The following PRPF31 variants were observed in gnomAD, a reference collection of about 807,000 sequenced individuals.
PRPF31 encodes the protein U4/U6 small nuclear ribonucleoprotein Prp31.
PRPF31 carries 12 observed loss-of-function variants against 60.4 expected under a neutral mutation model. The ratio of observed to expected loss-of-function variants is 0.20; its 90% CI spans 0.13 to 0.32. PRPF31 has a LOEUF of 0.32. Among genes scored for constraint, PRPF31 ranks in the 10% least tolerant of loss-of-function variants. The pLI, the probability that PRPF31 is intolerant of heterozygous loss-of-function variation, is 1.00. For synonymous variants in PRPF31, 287 were observed against 287.9 expected, an observed-to-expected ratio of 1.00 and a Z score of 0.03; for missense variants, 431 against 687.1, an observed-to-expected ratio of 0.63 and a Z score of 4.17.
chr19:54,123,925 C>G lies in PRPF31; in HGVS notation c.697+7C>G. 2 of 1,613,316 alleles carry G rather than the reference C, an allele frequency of 1.2e-6. No individual in the cohort carries two copies. The highest frequency in any genetic ancestry group is 1.7e-6 in the Non-Finnish European group (2 of 1,180,002). On this transcript the variant is annotated splice_region_variant and intron_variant, in intron 7 of 13. Transcript: ENST00000321030. ...ACGGCCGCCAAGATCATGGGTGAGT[C>G]CCCGGGCTGGGTCCCATGGAGCGGG...
At chr19:54,119,076 A>G (rs1352908072) in intron 3 of PRPF31, among the ~76,000 whole-genome samples, 1 of 152,196 alleles carries the variant, frequency 6.6e-6, no homozygotes, top group African/African-American at 2.4e-5. Flanking sequence ...AAAAATAGAT[A>G]TATAATTATT....
Position 54,121,815 on chromosome 19 carries a change from G to T in PRPF31, c.239-45G>T. The T allele has an allele frequency of 2.6e-6, 4 of 1,558,002 alleles. 1 individual carries two copies. Among genetic ancestry groups the T allele is most frequent in the Non-Finnish European group, 3.5e-6 (4 of 1,145,070 alleles). Reference sequence around the variant, plus strand: ...CCTCCAGCTGCGGGACCCGAGAGGGGGTAGGGATTTAGATACTCACACCCA... The same window carrying T: ...CCTCCAGCTGCGGGACCCGAGAGGGTGTAGGGATTTAGATACTCACACCCA... On this transcript the variant is annotated intron_variant, in intron 3 of 13. Coordinates refer to ENST00000321030, the MANE Select transcript of PRPF31 (RefSeq NM_015629.4).
chr19:54,122,572 T>G lies in PRPF31; in HGVS notation c.398T>G (p.Leu133Arg). The change falls in exon 5 of 14, where the codon CTG (leucine) becomes CGG (arginine). Residue 133 changes from leucine (L) to arginine (R), a missense_variant. By Grantham distance (102) the Leu-to-Arg change is moderately radical (BLOSUM62 -2). Coordinates refer to ENST00000321030, the MANE Select transcript of PRPF31 (RefSeq NM_015629.4). ...CTGGAGTCCTTGGTCCCCAATGCAC[T>G]GGATTACATCCGCACGGTCAAGGTG... ...PELESLVPNA[L>R]DYIRTVKELG... 3 of 1,614,128 alleles carry G rather than the reference T, an allele frequency of 1.9e-6. No homozygotes were observed. Among genetic ancestry groups the G allele is most frequent in the Non-Finnish European group, 1.7e-6 (2 of 1,179,932 alleles).
At chr19:54,119,733 T>A (rs2073741586) in intron 3 of PRPF31, 1 of 152,120 alleles carries the variant, frequency 6.6e-6, no homozygotes. Context: ...TGACCTCAAG[T>A]AATCCGCCCA....
rs2073803925 is a variant in PRPF31, at chr19:54,122,021, C to A, written c.322+78C>A. On this transcript the variant is annotated intron_variant, in intron 4 of 13. Coordinates refer to ENST00000321030, the MANE Select transcript of PRPF31 (RefSeq NM_015629.4). ...CCTCTCCCTTCCCCACTGGCCTTTC[C>A]CAGGGTCCTGCCCCTAAGCCCAAGC... is the stretch of plus-strand genomic sequence containing the variant. The A allele has an allele frequency of 3.5e-6, 5 of 1,434,648 alleles. No homozygotes were observed. The East Asian group carries it at 7.3e-5, about 21-fold the overall frequency. The allele number at this position is 1,434,648 out of a possible 1,614,324, so 88.9% of individuals were successfully genotyped here.
rs878853330 is a variant in PRPF31, at chr19:54,122,515, T to A, written c.341T>A (p.Ile114Asn). 6.2e-7 allele frequency: 1 copy of A among 1,613,832 alleles called. No homozygotes were observed. The highest frequency in any genetic ancestry group is 8.5e-7 in the Non-Finnish European group (1 of 1,179,722). ...ACCCTAGACATCATCCATAAGTTCA[T>A]CCGGGATAAGTACTCAAAGAGATTC... ...ENELNIIHKF[I>N]RDKYSKRFPE... Residue 114 changes from isoleucine (I) to asparagine (N), a missense_variant, in exon 5 of 14, where the codon ATC (isoleucine) becomes AAC (asparagine). Ile to Asn is a moderately radical substitution (Grantham distance 149). This residue lies in a region of PRPF31 where 113 missense variants were observed against 173.8 expected (regional missense o/e 0.65). Transcript: ENST00000321030.
chr19:54,117,436 C>T (rs587615112), intron 1 of PRPF31, among the ~76,000 whole-genome samples: 7 of 152,276 alleles, frequency 4.6e-5, no homozygotes, highest in African/African-American at 1.4e-4. Context: ...TCTTGAGTCA[C>T]GGGCCACCTG....
intron 3 of PRPF31, among the ~76,000 whole-genome samples, chr19:54,121,303 CAAA>C (rs587751948): frequency 1.5e-4 from 18 of 122,456 alleles, no homozygotes; most frequent in Admixed American, 1.6e-4. Flanking sequence ...AATTATGTCT[CAAA>C]AAAAAAAAAA....
rs140733702 is a variant in PRPF31, at chr19:54,116,953, G to A, written c.-9+1156G>A. ...CTACAGAAAAATTTAAAAATTAGCC[G>A]GGCGTGCTGGTGCGTGCCTGTCATC... On this transcript the variant is annotated intron_variant, in intron 1 of 13. Coordinates refer to ENST00000321030, the MANE Select transcript of PRPF31 (RefSeq NM_015629.4). Among the ~76,000 whole-genome samples, 943 of 152,250 alleles carry A rather than the reference G, an allele frequency of 6.2e-3. 7 individuals are homozygous for A. Among genetic ancestry groups the A allele is most frequent in the African/African-American group, 0.021 (882 of 41,536 alleles).
chr19:54,121,406 C>T (rs1329046419), intron 3 of PRPF31, among the ~76,000 whole-genome samples: 2 of 133,666 alleles, frequency 1.5e-5, no homozygotes, highest in African/African-American at 2.7e-5. Flanking sequence ...GAGGATGGGG[C>T]GGGAAGGGCG....
rs879047175 is a variant in PRPF31 at position 54,124,099 on chromosome 19, C to G, written c.697+181C>G. ...CAAAGCCTCATCTGTGGGAAAAACACTCACCCACAGCTCCTTCTCCCTCCC... is the reference window on the plus strand; with the variant it reads ...CAAAGCCTCATCTGTGGGAAAAACAGTCACCCACAGCTCCTTCTCCCTCCC... On this transcript the variant is annotated intron_variant, in intron 7 of 13. Transcript: ENST00000321030. 26 of 1,278,536 alleles carry G rather than the reference C, an allele frequency of 2.0e-5. 1 individual carries two copies. The South Asian group carries it at 3.8e-4, about 19-fold the overall frequency. 79.2% of individuals were successfully genotyped at this position (1,278,536 alleles called of 1,614,324 possible).
rs1455934673 is a variant in PRPF31 at position 54,128,054 on chromosome 19, T to TC, written c.946-14dup. ...AGCCCACGCGAGCAGCTGCAGGACC[T>TC]CCCCCTCGCCCTCCCCAGGTGGGCT... On this transcript the variant is annotated intron_variant, in intron 9 of 13. Coordinates refer to ENST00000321030, the MANE Select transcript of PRPF31 (RefSeq NM_015629.4). 1.3e-6 allele frequency: 2 copies of TC among 1,548,112 alleles called. No individual in the cohort carries two copies.
chr19:54,127,973 T>A (rs2073958492), intron 9 of PRPF31, 100 bp from the exon 10 acceptor site: 11 of 1,509,758 alleles, frequency 7.3e-6, no homozygotes, highest in Non-Finnish European at 8.1e-6. Context: ...TAGGTGCTGA[T>A]TTAACTAAGG....
At chr19:54,130,494 G>A (rs1415667416) in intron 13 of PRPF31, among the ~76,000 whole-genome samples, 3 of 152,102 alleles carry the variant, frequency 2.0e-5, no homozygotes, top group Non-Finnish European at 2.9e-5. Flanking sequence ...GCGTGGTGGC[G>A]GGCGCCTGTA....
At chr19:54,128,998 CGGT>C in intron 11 of PRPF31, 56 bp from the exon 12 acceptor site, 2 of 1,517,340 alleles carry the variant, frequency 1.3e-6, no homozygotes, top group Non-Finnish European at 1.8e-6. Flanking sequence ...GGGGGTGCCT[CGGT>C]GGCTGGAGGG....
chr19:54,123,158 G>C (rs1385511310), intron 5 of PRPF31: 4 of 557,986 alleles, frequency 7.2e-6, no homozygotes, highest in African/African-American at 1.9e-5. Flanking sequence ...CCGCGGATTT[G>C]CACTCCGACT....
intron 8 of PRPF31, chr19:54,125,035 T>G: frequency 5.4e-6 from 2 of 367,766 alleles, no homozygotes; most frequent in East Asian, 6.0e-5. Flanking sequence ...GGTTTGACCA[T>G]TCACTAGAAA....
Position 54,122,531 on chromosome 19 carries a change from A to C in PRPF31, c.357A>C (p.Ser119=). 1 of 1,614,128 alleles carries C rather than the reference A, an allele frequency of 6.2e-7. No homozygotes were observed. ...ATAAGTTCATCCGGGATAAGTACTCAAAGAGATTCCCTGAACTGGAGTCCT... is the reference window on the plus strand; with the variant it reads ...ATAAGTTCATCCGGGATAAGTACTCCAAGAGATTCCCTGAACTGGAGTCCT... The part of the protein sequence containing the change: ...IIHKFIRDKY[S]KRFPELESLV... The change falls in exon 5 of 14, where the codon TCA becomes TCC. Residue 119 remains serine (S), a synonymous_variant. Transcript: ENST00000321030.
rs372204097 is a variant in PRPF31 at position 54,130,615 on chromosome 19, ACT to A, written c.1375-689_1375-688del. Among the ~76,000 whole-genome samples the A allele has an allele frequency of 5.9e-4, 87 of 147,156 alleles. No homozygotes were observed. The East Asian group carries it at 0.015, about 26-fold the overall frequency. ...ACTTCAGCCTGGGCGACAGAGCCAG[ACT>A]CTGTCTCAAAAAAAAAAAAAAGAAG... On this transcript the variant is annotated intron_variant, in intron 13 of 13. Transcript: ENST00000321030.
Sources: allele counts gnomAD v4.1 joint callset (sites outside exome capture counted in the v4.1 genomes callset), GRCh38; gene constraint gnomAD v4.1.1; regional missense constraint gnomAD v4.1.1; transcripts MANE v1.5; gene names NCBI Gene and HGNC (gene_info 2026-07-23, HGNC 2026-07-21).